PDE4D: variants seen among roughly 807,000 people sequenced by gnomAD.
PDE4D encodes the protein phosphodiesterase 4D.
A neutral mutation model predicts 87.4 loss-of-function variants in PDE4D; 24 were observed. The observed-to-expected ratio is 0.27, with a 90% confidence interval of 0.20 to 0.39. PDE4D has a LOEUF of 0.39. Among genes scored for constraint, PDE4D ranks in the 10% least tolerant of loss-of-function variants. The pLI, the probability that PDE4D is intolerant of heterozygous loss-of-function variation, is 1.00. For synonymous variants in PDE4D, 384 were observed against 383.2 expected (o/e 1.00, Z -0.02); for missense variants, 714 against 1,041.0 (o/e 0.69, Z 4.32).
intron 1 of PDE4D, among the ~76,000 whole-genome samples, chr5:59,304,130 GTATTT>G (rs1276710089): frequency 6.6e-6 from 1 of 151,936 alleles, no homozygotes; most frequent in African/African-American, 2.4e-5. Context: ...ATATTCTTAA[GTATTT>G]TATTTTATTT....
intron 1 of PDE4D, among the ~76,000 whole-genome samples, chr5:60,360,453 A>G (rs889617353): frequency 1.3e-5 from 2 of 152,212 alleles, no homozygotes; most frequent in African/African-American, 2.4e-5. Flanking sequence ...TACAATCCTC[A>G]TTCAGAATAT....
intron 1 of PDE4D, among the ~76,000 whole-genome samples, chr5:59,878,887 GTTTTTTTTTTTTTTTT>G (rs70975345): frequency 1.1e-4 from 8 of 71,754 alleles, no homozygotes; most frequent in East Asian, 5.1e-4. Context: ...ACCGAAGTAA[GTTTTTTTTTTTTTTTT>G]TTTTTTTTTT....
At chr5:59,864,241 A>G (rs560782582) in intron 1 of PDE4D, among the ~76,000 whole-genome samples, 2 of 152,326 alleles carry the variant, frequency 1.3e-5, no homozygotes, top group African/African-American at 4.8e-5. Context: ...CTGAAACCTT[A>G]TAGAATTAAA....
chr5:59,814,438 TCCAG>T (rs1768745347), intron 1 of PDE4D, among the ~76,000 whole-genome samples: 2 of 152,186 alleles, frequency 1.3e-5, no homozygotes, highest in African/African-American at 2.4e-5. Context: ...TCGATATGTG[TCCAG>T]CCAGCCAGGA....
intron 1 of PDE4D, among the ~76,000 whole-genome samples, chr5:60,246,283 C>T (rs1455249741): frequency 2.6e-5 from 4 of 151,208 alleles, no homozygotes; most frequent in Non-Finnish European, 5.9e-5. Flanking sequence ...GTTGTTTAGA[C>T]GTGTGTTGAT....
At chr5:59,311,848 G>A (rs1017381024) in intron 1 of PDE4D, among the ~76,000 whole-genome samples, 15 of 152,162 alleles carry the variant, frequency 9.9e-5, no homozygotes, top group South Asian at 8.3e-4. Context: ...CCTAATCCTC[G>A]TAAAGCTTGT....
chr5:59,753,088 A>G (rs537752057), intron 1 of PDE4D, among the ~76,000 whole-genome samples: 4 of 152,276 alleles, frequency 2.6e-5, no homozygotes, highest in Admixed American at 2.6e-4. Context: ...AAAGCCTAAA[A>G]TATTTATTTT....
chr5:60,035,766 C>T (rs1167545493), intron 2 of PDE4D, among the ~76,000 whole-genome samples: 1 of 152,158 alleles, frequency 6.6e-6, no homozygotes, highest in Non-Finnish European at 1.5e-5. Context: ...ACCCGATGGG[C>T]TCACTTACTT....
chr5:60,172,731 A>G (rs1217592003), intron 2 of PDE4D, among the ~76,000 whole-genome samples: 1 of 152,162 alleles, frequency 6.6e-6, no homozygotes, highest in Non-Finnish European at 1.5e-5. Flanking sequence ...GACAATTGGT[A>G]GTCCCTCTTC....
intron 1 of PDE4D, chr5:59,217,198 T>C (rs1318655953): frequency 2.2e-6 from 1 of 455,800 alleles, no homozygotes; most frequent in Non-Finnish European, 4.4e-6. Flanking sequence ...TTTCATGTGT[T>C]CTTAGGAGAG....
intron 2 of PDE4D, among the ~76,000 whole-genome samples, chr5:59,996,816 A>G (rs1763565703): frequency 6.6e-6 from 1 of 152,188 alleles, no homozygotes; most frequent in South Asian, 2.1e-4. Context: ...TTGCAAAACT[A>G]ATTCTATATA....
intron 1 of PDE4D, among the ~76,000 whole-genome samples, chr5:59,584,142 G>C (rs1323971156): frequency 2.0e-5 from 3 of 152,084 alleles, no homozygotes; most frequent in Admixed American, 6.6e-5. Flanking sequence ...ACCCTATAGG[G>C]GCTCTTACAG....
At chr5:59,530,039 G>A (rs1212269634) in intron 1 of PDE4D, among the ~76,000 whole-genome samples, 1 of 152,140 alleles carries the variant, frequency 6.6e-6, no homozygotes, top group Non-Finnish European at 1.5e-5. Context: ...AGGTCAGGGT[G>A]GGGTCCAAGA....
At chr5:59,127,762 C>T (rs1249290167) in intron 5 of PDE4D, among the ~76,000 whole-genome samples, 1 of 152,070 alleles carries the variant, frequency 6.6e-6, no homozygotes, top group Non-Finnish European at 1.5e-5. Context: ...CCTAGTGCGA[C>T]ATCAGAAACC....
At chr5:59,155,824 G>T (rs1581101527) in intron 5 of PDE4D, among the ~76,000 whole-genome samples, 1 of 152,110 alleles carries the variant, frequency 6.6e-6, no homozygotes, top group Non-Finnish European at 1.5e-5. Context: ...GGGAGGAAGG[G>T]ATTATGGATG....
intron 1 of PDE4D, among the ~76,000 whole-genome samples, chr5:59,584,378 T>C (rs951931390): frequency 1.1e-4 from 17 of 152,216 alleles, no homozygotes; most frequent in African/African-American, 4.1e-4. Flanking sequence ...GTAGGAGTTA[T>C]ACAGAGCATT....
chr5:59,058,537 G>A (rs1008967205), intron 5 of PDE4D, among the ~76,000 whole-genome samples: 5 of 152,106 alleles, frequency 3.3e-5, no homozygotes, highest in African/African-American at 1.2e-4. Context: ...GAATAGCATT[G>A]CCTTTCATTC....
chr5:59,811,832 C>G (rs1477122039), intron 1 of PDE4D, among the ~76,000 whole-genome samples: 1 of 152,138 alleles, frequency 6.6e-6, no homozygotes. Flanking sequence ...GATAATACAA[C>G]CTCCTTTGTA....
chr5:59,911,196 T>C (rs960742885), intron 3 of PDE4D, among the ~76,000 whole-genome samples: 2 of 152,230 alleles, frequency 1.3e-5, no homozygotes, highest in South Asian at 4.1e-4. Flanking sequence ...GAAATTGCGA[T>C]TTAGGAATCA....
Sources: allele counts gnomAD v4.1 joint callset (sites outside exome capture counted in the v4.1 genomes callset), GRCh38; gene constraint gnomAD v4.1.1; transcripts MANE v1.5; gene names NCBI Gene and HGNC (gene_info 2026-07-23, HGNC 2026-07-21).